Variants in BCL2 observed in about 807,000 individuals in gnomAD.
BCL2 encodes apoptosis regulator Bcl-2.
Under a neutral mutation model 14.2 loss-of-function variants are expected in BCL2, and 1 was observed. The observed-to-expected ratio is 0.07, with a 90% CI of 0.02 to 0.33. The LOEUF (loss-of-function observed/expected upper bound fraction) is 0.33, where lower values mean the gene tolerates loss of function less well. BCL2 is among the 10% of genes least tolerant of loss of function. The pLI is 0.99. For synonymous variants in BCL2, 151 were observed against 137.2 expected (o/e 1.10, Z -0.70); for missense variants, 247 against 305.9 (o/e 0.81, Z 1.44).
intron 2 of BCL2, among the ~76,000 whole-genome samples, chr18:63,231,199 TA>T (rs763895723): frequency 1.3e-5 from 2 of 151,780 alleles, no homozygotes; most frequent in African/African-American, 2.4e-5. Flanking sequence ...ATTCACAATT[TA>T]AAAATAAAAT....
chr18:63,286,148 C>T (rs561755075), intron 2 of BCL2, among the ~76,000 whole-genome samples: 6 of 152,328 alleles, frequency 3.9e-5, no homozygotes, highest in Non-Finnish European at 8.8e-5. Flanking sequence ...GTAAAACCTG[C>T]CCCATAGCTG....
intron 2 of BCL2, among the ~76,000 whole-genome samples, chr18:63,178,871 C>A: frequency 6.8e-6 from 1 of 146,328 alleles, no homozygotes. Context: ...GGCAGGTTCC[C>A]AGGCAGGGAA....
intron 2 of BCL2, among the ~76,000 whole-genome samples, chr18:63,168,868 T>C (rs1005667740): frequency 1.3e-5 from 2 of 152,206 alleles, no homozygotes; most frequent in Middle Eastern, 3.2e-3. Context: ...ACTTTCCCTA[T>C]TGGAATCCAA....
intron 2 of BCL2, among the ~76,000 whole-genome samples, chr18:63,226,752 G>C (rs1286212244): frequency 1.3e-5 from 2 of 152,050 alleles, no homozygotes; most frequent in Non-Finnish European, 2.9e-5. Flanking sequence ...CATACCAAGT[G>C]TTAACATTGG....
intron 2 of BCL2, among the ~76,000 whole-genome samples, chr18:63,312,385 T>C (rs1913355193): frequency 6.6e-6 from 1 of 152,204 alleles, no homozygotes; most frequent in Admixed American, 6.5e-5. Context: ...TGGGTGTATC[T>C]TTTGTCTGGC....
At chr18:63,140,970 C>T (rs1397373942) in intron 2 of BCL2, among the ~76,000 whole-genome samples, 1 of 152,154 alleles carries the variant, frequency 6.6e-6, no homozygotes, top group Non-Finnish European at 1.5e-5. Flanking sequence ...ATGTGCACCA[C>T]TGTCATTCTC....
Position 63,268,382 on chromosome 18 carries a change from A to G in BCL2, c.585+49700T>C, listed in dbSNP as rs145317995. Among the ~76,000 whole-genome samples the G allele has an allele frequency of 1.9e-3, 288 of 152,354 alleles. 1 individual carries two copies. Among genetic ancestry groups the G allele is most frequent in the African/African-American group, 6.8e-3 (284 of 41,574 alleles). On this transcript the variant is annotated intron_variant, in intron 2 of 2. Coordinates refer to ENST00000333681, the MANE Select transcript of BCL2 (RefSeq NM_000633.3). ...GCATACATTCTTCCACTACAAAAAAAGTGTGTTTAGGCAAGATTTCTGGAA... is the reference window on the plus strand; with the variant it reads ...GCATACATTCTTCCACTACAAAAAAGGTGTGTTTAGGCAAGATTTCTGGAA...
At chr18:63,169,994 T>C (rs1188544405) in intron 2 of BCL2, among the ~76,000 whole-genome samples, 1 of 152,186 alleles carries the variant, frequency 6.6e-6, no homozygotes, top group Non-Finnish European at 1.5e-5. Context: ...ATAGCCATAT[T>C]ATGACCGTAA....
chr18:63,216,400 T>TAAAAAA (rs35457535), intron 2 of BCL2, among the ~76,000 whole-genome samples: 1 of 134,904 alleles, frequency 7.4e-6, no homozygotes, highest in Non-Finnish European at 1.6e-5. Flanking sequence ...AAATGTTTTC[T>TAAAAAA]AAAAAAAAAA....
intron 2 of BCL2, among the ~76,000 whole-genome samples, chr18:63,304,993 G>A (rs1488129904): frequency 6.6e-6 from 1 of 152,124 alleles, no homozygotes; most frequent in Non-Finnish European, 1.5e-5. Flanking sequence ...TGTTTTACAG[G>A]GCCTTCAAGT....
At chr18:63,163,753 A>G (rs1285502382) in intron 2 of BCL2, among the ~76,000 whole-genome samples, 2 of 152,238 alleles carry the variant, frequency 1.3e-5, no homozygotes, top group East Asian at 3.8e-4. Context: ...CTTCATAGTG[A>G]CTTTAAAAAG....
chr18:63,264,451 T>C (rs1308722064), intron 2 of BCL2, among the ~76,000 whole-genome samples: 3 of 152,118 alleles, frequency 2.0e-5, no homozygotes, highest in African/African-American at 4.8e-5. Flanking sequence ...CTGTGTCTCC[T>C]ACCCCTGGAA....
At position 63,149,077 on chromosome 18, in the gene BCL2, T is replaced by C. The variant is rs1314957495; in HGVS notation, c.586-20318A>G. On this transcript the variant is annotated intron_variant, in intron 2 of 2. Transcript: ENST00000333681. This position sits in a 1 kb window ranked among gnomAD's most constrained non-coding sequence, Gnocchi z 4.2. ...TGTGCATGGAGCAGCGACGTGCTTA[T>C]GCTGACACCTCTGTCTCTTTGATAA... Among the ~76,000 whole-genome samples the C allele has an allele frequency of 6.6e-6, 1 of 152,250 alleles. No individual in the cohort carries two copies. The highest frequency in any genetic ancestry group is 1.5e-5 in the Non-Finnish European group (1 of 68,038).
At chr18:63,247,871 T>G (rs980878679) in intron 2 of BCL2, among the ~76,000 whole-genome samples, 1 of 152,192 alleles carries the variant, frequency 6.6e-6, no homozygotes, top group Non-Finnish European at 1.5e-5. Flanking sequence ...TTTATAGACA[T>G]AGTGAAATAT....
chr18:63,228,145 C>T (rs756688952), intron 2 of BCL2, among the ~76,000 whole-genome samples: 5 of 152,154 alleles, frequency 3.3e-5, no homozygotes, highest in Non-Finnish European at 5.9e-5. Context: ...ATTGTGAGGG[C>T]CCTGCTGTTC....
chr18:63,154,435 C>T (rs1222509721), intron 2 of BCL2, among the ~76,000 whole-genome samples: 1 of 152,126 alleles, frequency 6.6e-6, no homozygotes, highest in East Asian at 1.9e-4. Context: ...ATCCAAATGC[C>T]CTGAGTGGCT....
chr18:63,249,362 A>G (rs1440268113), intron 2 of BCL2, among the ~76,000 whole-genome samples: 1 of 152,232 alleles, frequency 6.6e-6, no homozygotes, highest in Non-Finnish European at 1.5e-5. Context: ...TCATAGTATC[A>G]TAGCATCACA....
chr18:63,150,028 C>T (rs1235084447), intron 2 of BCL2, among the ~76,000 whole-genome samples: 1 of 152,060 alleles, frequency 6.6e-6, no homozygotes, highest in Non-Finnish European at 1.5e-5. Flanking sequence ...TTACAGGCAC[C>T]CACCGCCATG....
At chr18:63,264,581 G>A (rs1031898727) in intron 2 of BCL2, among the ~76,000 whole-genome samples, 1 of 152,176 alleles carries the variant, frequency 6.6e-6, no homozygotes, top group Non-Finnish European at 1.5e-5. Context: ...TCCCTGCACT[G>A]TCTCCAAATT....
Sources: gnomAD v4.1 joint callset for allele counts (sites outside exome capture counted in the v4.1 genomes callset) on GRCh38, gnomAD v4.1.1 for gene constraint, Gnocchi (gnomAD v3.1) non-coding constraint, MANE v1.5 for transcripts, NCBI Gene and HGNC (gene_info 2026-07-23, HGNC 2026-07-21) for gene names.